The following ARHGEF17 variants were observed in gnomAD, a reference collection of about 807,000 sequenced individuals.
ARHGEF17 encodes Rho guanine nucleotide exchange factor 17.
Under a neutral mutation model 174.0 loss-of-function variants are expected in ARHGEF17, and 80 were observed. The ratio of observed to expected loss-of-function variants is 0.46; its 90% CI spans 0.38 to 0.55. The LOEUF is 0.55. Ranked by LOEUF, ARHGEF17 falls within the 20% of genes least tolerant of loss-of-function variation. The probability of loss-of-function intolerance (pLI) is 0.00; values close to 1 mark genes in which losing one functional copy is unlikely to be tolerated. For missense variants in ARHGEF17, 2,886 were observed against 2,839.7 expected (o/e 1.02, Z -0.37); for synonymous variants, 1,311 against 1,189.1 (o/e 1.10, Z -2.11).
Position 73,364,247 on chromosome 11 carries a change from T to C in ARHGEF17, c.5401+8T>C, listed in dbSNP as rs1326154893. ...TCTACCAAAGGGAAGCAGGTGAGTA[T>C]CTGCCCTCCCCCACACCCTGCCCCT... On this transcript the variant is annotated splice_region_variant and intron_variant, in intron 17 of 20. Coordinates refer to ENST00000263674, the MANE Select transcript of ARHGEF17 (RefSeq NM_014786.4). 23 of 1,613,856 alleles carry C rather than the reference T, an allele frequency of 1.4e-5. No individual in the cohort carries two copies. Among genetic ancestry groups the C allele is most frequent in the South Asian group, 2.2e-5 (2 of 91,074 alleles).
intron 1 of ARHGEF17, chr11:73,342,972 C>A (rs1436993625): frequency 9.6e-6 from 2 of 208,754 alleles, no homozygotes; most frequent in East Asian, 1.0e-4. Flanking sequence ...CGGGCCGCAG[C>A]GCTCAGATCG....
At chr11:73,348,378 T>G (rs1291330822) in intron 2 of ARHGEF17, among the ~76,000 whole-genome samples, 1 of 152,116 alleles carries the variant, frequency 6.6e-6, no homozygotes, top group Non-Finnish European at 1.5e-5. Context: ...CAACACACAG[T>G]GGCATGTGGT....
At chr11:73,359,693 G>A in intron 9 of ARHGEF17, 141 bp from the exon 10 acceptor site, 1 of 646,926 alleles carries the variant, frequency 1.5e-6, no homozygotes, top group East Asian at 3.0e-5. Flanking sequence ...TTTTTCCCAA[G>A]AGCTTGGGGT....
At chr11:73,341,368 G>GCAACCTCAGCTCACCT (rs1865365603) in intron 1 of ARHGEF17, among the ~76,000 whole-genome samples, 1 of 152,096 alleles carries the variant, frequency 6.6e-6, no homozygotes, top group Admixed American at 6.6e-5. Flanking sequence ...TCAGCTCACC[G>GCAACCTCAGCTCACCT]CAACCTCAGC....
At chr11:73,356,484 A>G (rs542163211) in intron 6 of ARHGEF17, 133 bp downstream of exon 6, 2 of 1,251,894 alleles carry the variant, frequency 1.6e-6, no homozygotes, top group Non-Finnish European at 2.2e-6. Context: ...GTTTGCATCC[A>G]TGTCTGCCAG....
intron 1 of ARHGEF17, among the ~76,000 whole-genome samples, chr11:73,341,563 C>T (rs1449184777): frequency 6.6e-6 from 1 of 152,162 alleles, no homozygotes; most frequent in East Asian, 1.9e-4. Flanking sequence ...CTGCCCGCCT[C>T]AGCCTCCCAA....
Position 73,361,031 on chromosome 11 carries a change from G to A in ARHGEF17, c.4421-57G>A, listed in dbSNP as rs1865729152. On this transcript the variant is annotated intron_variant, in intron 11 of 20. Coordinates refer to ENST00000263674, the MANE Select transcript of ARHGEF17 (RefSeq NM_014786.4). Reference sequence around the variant, plus strand: ...GGGGAATGGGGCAGGGGCAGGACCAGGGTGAGATGGATGCTATGCTAAGCA... The same window carrying A: ...GGGGAATGGGGCAGGGGCAGGACCAAGGTGAGATGGATGCTATGCTAAGCA... 6 of 1,460,324 alleles carry A rather than the reference G, an allele frequency of 4.1e-6. No individual in the cohort carries two copies. In the Admixed American group the frequency reaches 8.5e-5, roughly 21 times the overall value. The allele number at this position is 1,460,324 out of a possible 1,614,324, so 90.5% of individuals were successfully genotyped here.
In ARHGEF17 at chr11:73,360,491, C is replaced by G. The variant is rs767093731; in HGVS notation, c.4378C>G (p.Leu1460Val). 1 of 1,614,048 alleles carries G rather than the reference C, an allele frequency of 6.2e-7. No individual in the cohort carries two copies. The highest frequency in any genetic ancestry group is 8.5e-7 in the Non-Finnish European group (1 of 1,180,044). The stretch of plus-strand genomic sequence containing the variant: ...TGAGTTCCCTCACCCTGACGCCCGC[C>G]TTGGTTTTGAACAGGCCTTCGATGA... ...IFEFPHPDAR[L>V]GFEQAFDEAK... The change falls in exon 11 of 21, where the codon CTT (leucine) becomes GTT (valine). Residue 1460 changes from leucine to valine, a missense_variant. Physicochemically the swap from Leu to Val is conservative, Grantham distance 32. Around this residue, in one of 4 missense-constraint regions of ARHGEF17, gnomAD observed 476 missense variants for 473.1 expected, o/e 1.01. Transcript: ENST00000263674.
intron 1 of ARHGEF17, among the ~76,000 whole-genome samples, chr11:73,340,890 AG>A (rs1052309619): frequency 1.3e-5 from 2 of 152,192 alleles, no homozygotes; most frequent in African/African-American, 4.8e-5. Flanking sequence ...GAGGAGGAAG[AG>A]GAGGAGCAGG....
Position 73,361,180 on chromosome 11 carries a change from C to A in ARHGEF17, c.4494+19C>A. The A allele has an allele frequency of 6.2e-7, 1 of 1,611,958 alleles. No homozygotes were observed. The highest frequency in any genetic ancestry group is 1.1e-5 in the South Asian group (1 of 90,834). On this transcript the variant is annotated intron_variant, in intron 12 of 20. Transcript: ENST00000263674. ...CATGCAGGTATGTCTGCATCTGGGT[C>A]ACTTGGGTACATGTTTTCAAAGCCA...
chr11:73,340,575 T>G (rs1424320817), intron 1 of ARHGEF17, among the ~76,000 whole-genome samples: 1 of 152,200 alleles, frequency 6.6e-6, no homozygotes, highest in Admixed American at 6.5e-5. Context: ...AGGGAATGGA[T>G]GCACGTCTCT....
chr11:73,353,713 C>A (rs750512494), intron 3 of ARHGEF17, among the ~76,000 whole-genome samples: 1 of 152,170 alleles, frequency 6.6e-6, no homozygotes, highest in African/African-American at 2.4e-5. Context: ...CAGGCCAGAT[C>A]TCCACTGTAC....
At chr11:73,321,239 A>G (rs1343248375) in intron 1 of ARHGEF17, among the ~76,000 whole-genome samples, 1 of 151,498 alleles carries the variant, frequency 6.6e-6, no homozygotes, top group East Asian at 1.9e-4. Flanking sequence ...GCTGAGCCAC[A>G]TGCCCACTGT....
intron 1 of ARHGEF17, among the ~76,000 whole-genome samples, chr11:73,334,578 C>T (rs905811900): frequency 6.6e-6 from 1 of 152,126 alleles, no homozygotes; most frequent in Admixed American, 6.5e-5. Context: ...TTCAAGAGCC[C>T]CCAGGATTTA....
chr11:73,362,328 TTGTGGGCGGGGCCCGGCGAG>T (rs1304835421), intron 13 of ARHGEF17, 85 bp from the exon 14 acceptor site: 8 of 1,445,746 alleles, frequency 5.5e-6, no homozygotes, highest in South Asian at 1.4e-5. Flanking sequence ...CCCGGCGTGG[TTGTGGGCGGGGCCCGGCGAG>T]TGTGGGCGGG....
At chr11:73,311,922 C>G (rs1417227277) in intron 1 of ARHGEF17, 92 bp downstream of exon 1, 1 of 1,385,716 alleles carries the variant, frequency 7.2e-7, no homozygotes, top group Non-Finnish European at 9.7e-7. Flanking sequence ...ATTCACTGGT[C>G]AGGTGCCCAG....
At position 73,309,271 on chromosome 11, in the gene ARHGEF17, G is replaced by C. The variant is rs1302077971; in HGVS notation, c.633G>C (p.Ala211=). The C allele has an allele frequency of 6.2e-7, 1 of 1,610,888 alleles. No individual in the cohort carries two copies. The highest frequency in any genetic ancestry group is 1.1e-5 in the South Asian group (1 of 90,976). Residue 211 remains alanine (A), a synonymous_variant, in exon 1 of 21, where the codon GCG becomes GCC. Transcript: ENST00000263674. The stretch of plus-strand genomic sequence containing the variant: ...AACAGGAGCGGGCGCAGCGTCCAGC[G>C]GATGGTTTACATTCTTGGCATATCT... ...QQQQERAQRP[A]DGLHSWHIFS...
In ARHGEF17 at chr11:73,308,865, G is replaced by T; in HGVS notation, c.227G>T (p.Arg76Leu). Residue 76 changes from arginine (R) to leucine (L), a missense_variant, in exon 1 of 21, where the codon CGC becomes CTC. Transcript: ENST00000263674. ...GCCCCCGCGCAGCCGCGCCCGCTCC[G>T]CAGCCTCTCGCCGTCGGTTCGCCAG... ...LAAPAQPRPL[R>L]SLSPSVRQLS... 2 of 1,350,032 alleles carry T rather than the reference G, an allele frequency of 1.5e-6. No individual in the cohort carries two copies. Among genetic ancestry groups the T allele is most frequent in the South Asian group, 3.7e-5 (2 of 53,876 alleles). 83.6% of individuals were successfully genotyped at this position (1,350,032 alleles called of 1,614,324 possible).
In ARHGEF17 at chr11:73,362,397, C is replaced by T. The variant is rs756599697; in HGVS notation, c.4695-36C>T. Reference sequence around the variant, plus strand: ...TCCACCACCGGGGCCCCGTCTGGCTCGTAGCTGCTGTCATCCTCACTCCGT... The same window carrying T: ...TCCACCACCGGGGCCCCGTCTGGCTTGTAGCTGCTGTCATCCTCACTCCGT... On this transcript the variant is annotated intron_variant, in intron 13 of 20. Coordinates refer to ENST00000263674, the MANE Select transcript of ARHGEF17 (RefSeq NM_014786.4). 9 of 1,499,014 alleles carry T rather than the reference C, an allele frequency of 6.0e-6. No individual in the cohort carries two copies. In the South Asian group the frequency reaches 7.9e-5, roughly 13 times the overall value. The allele number at this position is 1,499,014 out of a possible 1,614,324, so 92.9% of individuals were successfully genotyped here.
Sources: gnomAD v4.1 joint callset for allele counts (sites outside exome capture counted in the v4.1 genomes callset) on GRCh38, gnomAD v4.1.1 for gene constraint, gnomAD v4.1.1 regional missense constraint, MANE v1.5 for transcripts, NCBI Gene and HGNC (gene_info 2026-07-23, HGNC 2026-07-21) for gene names.